The following RIMS2 variants were observed in gnomAD, a reference collection of about 807,000 sequenced individuals.
The protein encoded by RIMS2 is regulating synaptic membrane exocytosis 2.
Under a neutral mutation model 174.4 loss-of-function variants are expected in RIMS2, and 59 were observed. That is an observed-to-expected ratio of 0.34 (90% CI 0.27 to 0.42). The LOEUF (loss-of-function observed/expected upper bound fraction) is 0.42, where lower values mean the gene tolerates loss of function less well. RIMS2 is among the 10% of genes least tolerant of loss of function. The pLI is 1.00. For synonymous variants in RIMS2, 606 were observed against 572.5 expected (o/e 1.06, Z -0.84); for missense variants, 1,620 against 1,666.3 (o/e 0.97, Z 0.48).
intron 19 of RIMS2, among the ~76,000 whole-genome samples, chr8:104,077,141 A>G (rs1025668156): frequency 2.0e-5 from 3 of 152,094 alleles, no homozygotes; most frequent in African/African-American, 2.4e-5. Context: ...AAGATTGTCT[A>G]CATATAAAGA....
chr8:103,776,547 T>C (rs1317747665), intron 3 of RIMS2, among the ~76,000 whole-genome samples: 2 of 152,112 alleles, frequency 1.3e-5, no homozygotes, highest in Non-Finnish European at 2.9e-5. Context: ...TTTATAAATA[T>C]TTTTGTATTT....
At chr8:103,578,436 C>A (rs1034648882) in intron 1 of RIMS2, among the ~76,000 whole-genome samples, 1 of 151,950 alleles carries the variant, frequency 6.6e-6, no homozygotes, top group Non-Finnish European at 1.5e-5. Flanking sequence ...GAGACTGAGA[C>A]GGGAGAATCA....
chr8:103,958,042 C>G (rs2088172009), intron 14 of RIMS2, among the ~76,000 whole-genome samples: 1 of 152,062 alleles, frequency 6.6e-6, no homozygotes, highest in Non-Finnish European at 1.5e-5. Flanking sequence ...CCCAGCAATC[C>G]CATTACTGGG....
intron 1 of RIMS2, among the ~76,000 whole-genome samples, chr8:103,642,161 T>C (rs2135550660): frequency 6.6e-6 from 1 of 152,280 alleles, no homozygotes; most frequent in Non-Finnish European, 1.5e-5. Context: ...TCTTTTGCTT[T>C]ATTTTAGCAT....
chr8:103,501,859 G>A (rs1230874936), intron 1 of RIMS2, among the ~76,000 whole-genome samples: 3 of 152,224 alleles, frequency 2.0e-5, no homozygotes, highest in Non-Finnish European at 4.4e-5. Context: ...AGGGTGGTAG[G>A]AGTGAAAGCA....
intron 19 of RIMS2, among the ~76,000 whole-genome samples, chr8:104,076,615 A>G (rs2097297360): frequency 6.6e-6 from 1 of 152,118 alleles, no homozygotes; most frequent in African/African-American, 2.4e-5. Context: ...ACTCTTCAAT[A>G]TATTTTTAGT....
chr8:104,223,280 A>C, intron 19 of RIMS2: 4 of 705,556 alleles, frequency 5.7e-6, no homozygotes, highest in Non-Finnish European at 7.0e-6. Context: ...CCGGCCGCTG[A>C]TTGGCGGGGA....
At chr8:104,191,140 TA>T (rs1400825721) in intron 19 of RIMS2, among the ~76,000 whole-genome samples, 17 of 152,096 alleles carry the variant, frequency 1.1e-4, no homozygotes, top group Non-Finnish European at 2.4e-4. Flanking sequence ...AACAAAAATT[TA>T]TTTTATTGCA....
At chr8:104,251,997 AG>A, downstream of RIMS2, 1 of 600,588 alleles carries the variant, frequency 1.7e-6, no homozygotes, top group Non-Finnish European at 2.9e-6. Context: ...GCCCTAAAGA[AG>A]GCCCTCAGGT....
chr8:103,558,057 T>C (rs1323935814), intron 1 of RIMS2, among the ~76,000 whole-genome samples: 2 of 152,170 alleles, frequency 1.3e-5, no homozygotes, highest in East Asian at 1.9e-4. Context: ...AGTACCTTTA[T>C]TTTTTATTTT....
chr8:103,685,376 C>T (rs2096929439), intron 1 of RIMS2, among the ~76,000 whole-genome samples: 2 of 152,050 alleles, frequency 1.3e-5, no homozygotes. Context: ...ACTAGTTCTC[C>T]TGTGAACTAG....
intron 3 of RIMS2, among the ~76,000 whole-genome samples, chr8:103,845,902 A>T (rs2098965410): frequency 6.6e-6 from 1 of 152,134 alleles, no homozygotes; most frequent in African/African-American, 2.4e-5. Flanking sequence ...GGCACTGAGG[A>T]GGAAGGTGGG....
chr8:104,091,533 TCCATATATACCTTA>T (rs2097657703), intron 19 of RIMS2, among the ~76,000 whole-genome samples: 1 of 150,996 alleles, frequency 6.6e-6, no homozygotes, highest in South Asian at 2.1e-4. Context: ...ATGAAAGCCT[TCCATATATACCTTA>T]CCTTGAGATC....
At chr8:104,014,835 T>G (rs1024472839) in intron 19 of RIMS2, among the ~76,000 whole-genome samples, 2 of 152,218 alleles carry the variant, frequency 1.3e-5, no homozygotes, top group Non-Finnish European at 2.9e-5. Context: ...TGCACATTTT[T>G]AAATTTGAAT....
chr8:103,835,227 G>A (rs1215227204), intron 3 of RIMS2, among the ~76,000 whole-genome samples: 6 of 150,180 alleles, frequency 4.0e-5, no homozygotes, highest in Non-Finnish European at 8.9e-5. Flanking sequence ...TCAGCCTCCC[G>A]AGTAGCTGGG....
At chr8:104,153,586 T>G (rs78455853) in intron 19 of RIMS2, among the ~76,000 whole-genome samples, 4,395 of 152,254 alleles carry the variant, frequency 0.029, 182 homozygotes, top group African/African-American at 0.098. Context: ...AGTGCATAGA[T>G]GAATTCAGAG....
intron 21 of RIMS2, 37 bp downstream of exon 27, chr8:104,248,850 T>A (rs547458817): frequency 9.2e-7 from 1 of 1,081,372 alleles, no homozygotes; most frequent in African/African-American, 1.6e-5. Flanking sequence ...CTATTTTGTT[T>A]TAGATTGTTG....
At chr8:103,626,895 A>G (rs2095800216) in intron 1 of RIMS2, among the ~76,000 whole-genome samples, 1 of 152,198 alleles carries the variant, frequency 6.6e-6, no homozygotes, top group Non-Finnish European at 1.5e-5. Flanking sequence ...AAAGATCCCA[A>G]GGCAAGGCAA....
intron 19 of RIMS2, among the ~76,000 whole-genome samples, chr8:104,101,242 T>C (rs944418716): frequency 6.6e-6 from 1 of 151,560 alleles, no homozygotes; most frequent in African/African-American, 2.4e-5. Context: ...TTCTCCTGCC[T>C]CAGCCTCCCA....
Sources: gnomAD v4.1 joint callset for allele counts (sites outside exome capture counted in the v4.1 genomes callset) on GRCh38, gnomAD v4.1.1 for gene constraint, MANE v1.5 for transcripts, NCBI Gene and HGNC (gene_info 2026-07-23, HGNC 2026-07-21) for gene names.